OIP5: variants seen among roughly 807,000 people sequenced by gnomAD.
OIP5 encodes protein Mis18-beta.
OIP5 carries 24 observed loss-of-function variants against 20.3 expected under a neutral mutation model. The ratio of observed to expected loss-of-function variants is 1.18; its 90% CI spans 0.86 to 1.66. The LOEUF (loss-of-function observed/expected upper bound fraction) is 1.66. Ranked by LOEUF, OIP5 falls within the 40% of genes most tolerant of loss-of-function variation. The pLI, the probability that OIP5 is intolerant of heterozygous loss-of-function variation, is 0.00. For missense variants in OIP5, 339 were observed against 289.5 expected (o/e 1.17, Z -1.24); for synonymous variants, 143 against 121.3 (o/e 1.18, Z -1.17).
At chr15:41,310,244 T>C (rs2047745867) in intron 4 of OIP5, among the ~76,000 whole-genome samples, 1 of 152,180 alleles carries the variant, frequency 6.6e-6, no homozygotes, top group Non-Finnish European at 1.5e-5. Context: ...TATCTAGTAA[T>C]TGGGAGCTGG....
intron 1 of OIP5, 110 bp from the exon 2 acceptor site, chr15:41,332,091 C>T (rs2140471665): frequency 8.2e-6 from 11 of 1,338,482 alleles, no homozygotes; most frequent in Non-Finnish European, 1.2e-5. Flanking sequence ...CTCCCCGATT[C>T]CCTGCCCCAT....
chr15:41,332,085 C>G, intron 1 of OIP5, 104 bp from the exon 2 acceptor site: 1 of 1,355,090 alleles, frequency 7.4e-7, no homozygotes, highest in Admixed American at 1.7e-5. Flanking sequence ...AGGAGACTCC[C>G]CGATTCCCTG....
intron 2 of OIP5, among the ~76,000 whole-genome samples, chr15:41,329,204 A>G (rs1477893940): frequency 6.6e-6 from 1 of 151,666 alleles, no homozygotes; most frequent in African/African-American, 2.4e-5. Flanking sequence ...ACCTACACTT[A>G]GAAAAAAATC....
intron 4 of OIP5, among the ~76,000 whole-genome samples, chr15:41,312,233 C>T (rs2047760510): frequency 1.3e-5 from 2 of 151,634 alleles, no homozygotes; most frequent in African/African-American, 4.9e-5. Flanking sequence ...ATGATCTTGC[C>T]TCACAACAAC....
intron 2 of OIP5, among the ~76,000 whole-genome samples, chr15:41,323,962 T>C (rs1316772189): frequency 6.6e-6 from 1 of 150,922 alleles, no homozygotes; most frequent in Admixed American, 6.6e-5. Flanking sequence ...TTTCTTTCCT[T>C]AAATCTCATG....
intron 2 of OIP5, among the ~76,000 whole-genome samples, chr15:41,322,454 A>T (rs1432026313): frequency 6.6e-6 from 1 of 152,052 alleles, no homozygotes; most frequent in African/African-American, 2.4e-5. Context: ...GTTAGAACGT[A>T]GTGATACAAT....
chr15:41,319,603 T>A (rs1358140756), intron 3 of OIP5, 55 bp downstream of exon 3: 1 of 1,541,744 alleles, frequency 6.5e-7, no homozygotes, highest in African/African-American at 1.4e-5. Context: ...ATGGACTTTG[T>A]CTCAAAATAA....
intron 2 of OIP5, 30 bp downstream of exon 2, chr15:41,331,885 C>G (rs1046493493): frequency 1.3e-6 from 2 of 1,585,692 alleles, no homozygotes; most frequent in Non-Finnish European, 1.7e-6. Flanking sequence ...AAGTCAGGGA[C>G]TAGAGACCAA....
intron 2 of OIP5, among the ~76,000 whole-genome samples, chr15:41,328,227 C>A (rs982076789): frequency 6.6e-6 from 1 of 152,220 alleles, no homozygotes; most frequent in Non-Finnish European, 1.5e-5. Flanking sequence ...CTATGTTGCT[C>A]ATGATGGTCT....
At chr15:41,330,409 ATTTT>A (rs766498868) in intron 2 of OIP5, among the ~76,000 whole-genome samples, 2 of 128,664 alleles carry the variant, frequency 1.6e-5, no homozygotes. Flanking sequence ...CGTAATCAGT[ATTTT>A]TTTTTTTTTT....
intron 2 of OIP5, among the ~76,000 whole-genome samples, chr15:41,330,505 G>T (rs978689490): frequency 6.7e-6 from 1 of 149,802 alleles, no homozygotes; most frequent in African/African-American, 2.5e-5. Flanking sequence ...CCGGGTTCAC[G>T]CCATTCTCCT....
intron 2 of OIP5, among the ~76,000 whole-genome samples, chr15:41,329,988 C>T (rs1248874355): frequency 4.6e-5 from 7 of 152,110 alleles, no homozygotes; most frequent in Non-Finnish European, 1.0e-4. Flanking sequence ...TCAGCCACGG[C>T]GCCTGGCCTA....
intron 2 of OIP5, among the ~76,000 whole-genome samples, chr15:41,323,282 T>C (rs975244684): frequency 2.0e-4 from 30 of 152,090 alleles, no homozygotes; most frequent in African/African-American, 6.8e-4. Context: ...ATCAGGAGTT[T>C]GAGAACAGCC....
Position 41,332,524 on chromosome 15 carries a change from G to A in OIP5, c.38C>T (p.Ala13Val), listed in dbSNP as rs1160777283. ...AQPLRHRSRC[A>V]TPPRGDFCGG... ...ACAAAAGTCCCCCCGGGGCGGCGTT[G>A]CACAACGTGAGCGATGCCGCAGCGG... The change falls in exon 1 of 5, where the codon GCA (alanine) becomes GTA (valine). Residue 13 changes from alanine (A) to valine (V), a missense_variant. Physicochemically the swap from Ala to Val is moderately conservative, Grantham distance 64. Coordinates refer to ENST00000220514, the MANE Select transcript of OIP5 (RefSeq NM_007280.2). 1 of 1,612,448 alleles carries A rather than the reference G, an allele frequency of 6.2e-7. No homozygotes were observed. The highest frequency in any genetic ancestry group is 8.5e-7 in the Non-Finnish European group (1 of 1,179,386).
At chr15:41,321,173 A>G (rs866183020) in intron 2 of OIP5, among the ~76,000 whole-genome samples, 13 of 142,774 alleles carry the variant, frequency 9.1e-5, no homozygotes, top group African/African-American at 2.6e-4. Context: ...CCCCCCGCCC[A>G]GCCAGCCGCC....
intron 3 of OIP5, among the ~76,000 whole-genome samples, chr15:41,317,664 G>A (rs780728994): frequency 1.3e-5 from 2 of 152,038 alleles, no homozygotes; most frequent in African/African-American, 2.4e-5. Flanking sequence ...ACAGGCGTGA[G>A]CTACCACGCC....
chr15:41,320,194 A>G (rs183541687), intron 2 of OIP5, among the ~76,000 whole-genome samples: 17 of 152,340 alleles, frequency 1.1e-4, no homozygotes, highest in Non-Finnish European at 1.9e-4. Context: ...AATTGTTCAT[A>G]GAACTAAAAT....
chr15:41,329,921 ACTC>A (rs1230588755), intron 2 of OIP5, among the ~76,000 whole-genome samples: 1 of 150,140 alleles, frequency 6.7e-6, no homozygotes, highest in Non-Finnish European at 1.5e-5. Flanking sequence ...CTGGTCTTGA[ACTC>A]CTGACCTCGT....
At chr15:41,315,222 G>C (rs2047782682) in intron 3 of OIP5, among the ~76,000 whole-genome samples, 1 of 151,864 alleles carries the variant, frequency 6.6e-6, no homozygotes, top group Non-Finnish European at 1.5e-5. Context: ...CTGAGGTCAG[G>C]AGTTTGAGAC....
Sources: gnomAD v4.1 joint callset for allele counts (sites outside exome capture counted in the v4.1 genomes callset) on GRCh38, gnomAD v4.1.1 for gene constraint, MANE v1.5 for transcripts, NCBI Gene and HGNC (gene_info 2026-07-23, HGNC 2026-07-21) for gene names.